USP47: variants seen among roughly 807,000 people sequenced by gnomAD.
The protein encoded by USP47 is ubiquitin specific peptidase 47, also known as ubiquitin carboxyl-terminal hydrolase 47.
In USP47, 35 loss-of-function variants were observed where a neutral mutation model predicts 165.1. The ratio of observed to expected loss-of-function variants is 0.21; its 90% CI spans 0.16 to 0.28. USP47 has a LOEUF of 0.28. Among genes scored for constraint, USP47 ranks in the 10% least tolerant of loss-of-function variants. The probability of loss-of-function intolerance (pLI) is 1.00; values close to 1 mark genes in which losing one functional copy is unlikely to be tolerated. For synonymous variants in USP47, 531 were observed against 544.5 expected, an observed-to-expected ratio of 0.98 and a Z score of 0.35; for missense variants, 1,277 against 1,607.4, an observed-to-expected ratio of 0.79 and a Z score of 3.52.
chr11:11,954,809 T>C, intron 25 of USP47, 88 bp from the exon 26 acceptor site: 2 of 1,429,772 alleles, frequency 1.4e-6, no homozygotes, highest in Non-Finnish European at 9.6e-7. Flanking sequence ...TAAACTGAGC[T>C]ATTTCTGTTT....
In USP47 at chr11:11,958,722, A is replaced by AG. The variant is rs1847324665; in HGVS notation, c.*2551dup. Reference sequence around the variant, plus strand: ...GTTTCTAAGGCGGGCACTCAAGGTGAGGGGTGCATTCTGGCCAAAGAAACA... The same window carrying AG: ...GTTTCTAAGGCGGGCACTCAAGGTGAGGGGGTGCATTCTGGCCAAAGAAACA... On this transcript the variant is annotated 3_prime_UTR_variant, in exon 28 of 28. Coordinates refer to ENST00000527733, the MANE Select transcript of USP47 (RefSeq NM_001282659.2). The AG allele has an allele frequency of 6.6e-6, 1 of 152,260 alleles. No homozygotes were observed. Among genetic ancestry groups the AG allele is most frequent in the African/African-American group, 2.4e-5 (1 of 41,444 alleles). 9.4% of individuals were successfully genotyped at this position (152,260 alleles called of 1,614,324 possible).
At position 11,888,440 on chromosome 11, in the gene USP47, C is replaced by T. The variant is rs11529114; in HGVS notation, c.358-3528C>T. 1.2e-4 allele frequency among the ~76,000 whole-genome samples: 18 copies of T among 152,082 alleles called. No individual in the cohort carries two copies. The East Asian group carries it at 3.1e-3, about 26-fold the overall frequency. ...AGAGAATACTATAAACATCTCTGTG[C>T]ACATAAAATAGAAAATATGGATAAA... On this transcript the variant is annotated intron_variant, in intron 3 of 27. Coordinates refer to ENST00000527733, the MANE Select transcript of USP47 (RefSeq NM_001282659.2).
chr11:11,924,822 T>C (rs913301088), intron 11 of USP47, among the ~76,000 whole-genome samples: 2 of 152,150 alleles, frequency 1.3e-5, no homozygotes, highest in African/African-American at 4.8e-5. Context: ...TTCTTTCATT[T>C]CGGATACTGG....
At chr11:11,954,252 G>C (rs1338599622) in intron 25 of USP47, among the ~76,000 whole-genome samples, 1 of 151,882 alleles carries the variant, frequency 6.6e-6, no homozygotes, top group Non-Finnish European at 1.5e-5. Flanking sequence ...TCTGTCTCAA[G>C]AAAAAAGAAT....
chr11:11,906,825 A>G lies in USP47; in HGVS notation c.969+1277A>G, dbSNP rs149075126. ...AAATGACATACTGAAAAAATCATTG[A>G]AAAACTAACATTTGTCTTTCAATGA... On this transcript the variant is annotated intron_variant, in intron 8 of 27. Transcript: ENST00000527733. 5.4e-4 allele frequency among the ~76,000 whole-genome samples: 82 copies of G among 152,306 alleles called. 2 individuals carry two copies. In the East Asian group the frequency reaches 0.013, roughly 24 times the overall value.
chr11:11,924,260 G>C (rs942318091), intron 11 of USP47, among the ~76,000 whole-genome samples: 1 of 152,026 alleles, frequency 6.6e-6, no homozygotes, highest in Non-Finnish European at 1.5e-5. Flanking sequence ...TCTTCAGCCT[G>C]AATTACATAG....
intron 1 of USP47, among the ~76,000 whole-genome samples, chr11:11,844,873 A>T (rs55901552): frequency 0.13 from 19,393 of 152,072 alleles, 1,568 homozygotes; most frequent in Middle Eastern, 0.38. Flanking sequence ...CTCAAGGACA[A>T]ATGTACCTTT....
intron 10 of USP47, 123 bp downstream of exon 10, chr11:11,920,617 T>A: frequency 1.2e-6 from 1 of 852,360 alleles, no homozygotes. Flanking sequence ...GGAAACTTTT[T>A]CTTTCTTATT....
At chr11:11,909,785 C>T (rs1168669323) in intron 8 of USP47, among the ~76,000 whole-genome samples, 1 of 152,154 alleles carries the variant, frequency 6.6e-6, no homozygotes, top group Non-Finnish European at 1.5e-5. Flanking sequence ...ATATAAAAGA[C>T]TTGTTTCCTA....
intron 1 of USP47, among the ~76,000 whole-genome samples, chr11:11,866,674 A>G (rs1849700892): frequency 6.6e-6 from 1 of 152,112 alleles, no homozygotes; most frequent in African/African-American, 2.4e-5. Flanking sequence ...CTTTAATGAT[A>G]ATCTATTGGT....
chr11:11,864,641 C>T lies in USP47; in HGVS notation c.40-15536C>T, dbSNP rs1010998976. On this transcript the variant is annotated intron_variant, in intron 1 of 27. Transcript: ENST00000527733. ...ATTTGTCTTTGTGACTGGCTTATTT[C>T]ACTTAGCATAATGTCCTCAAGGTTT... Among the ~76,000 whole-genome samples the T allele has an allele frequency of 6.6e-5, 10 of 152,114 alleles. No individual in the cohort carries two copies. The East Asian group carries it at 1.2e-3, about 18-fold the overall frequency.
At chr11:11,918,028 G>A (rs1025560380) in intron 8 of USP47, among the ~76,000 whole-genome samples, 5 of 152,066 alleles carry the variant, frequency 3.3e-5, no homozygotes, top group South Asian at 2.1e-4. Flanking sequence ...CTTATTAGCC[G>A]CGAGAGTAAA....
At chr11:11,903,498 C>G (rs577516633) in intron 7 of USP47, among the ~76,000 whole-genome samples, 156 bp downstream of exon 7, 1 of 152,076 alleles carries the variant, frequency 6.6e-6, no homozygotes, top group Non-Finnish European at 1.5e-5. Flanking sequence ...TCTCATTTAG[C>G]CATTAACTGA....
rs998259096 is a variant in USP47, at chr11:11,957,344, G to A, written c.*1169G>A. ...CATGATTTCATTGCAGAGTTTATTA[G>A]TATCAGCAAGTTTTTGCTTTGCTAA... On this transcript the variant is annotated 3_prime_UTR_variant, in exon 28 of 28. Transcript: ENST00000527733. 106 of 152,566 alleles carry A rather than the reference G, an allele frequency of 6.9e-4. 7 individuals are homozygous for A. Among genetic ancestry groups the A allele is most frequent in the Non-Finnish European group, 1.5e-5 (1 of 68,024 alleles). The allele number at this position is 152,566 out of a possible 1,614,324, so 9.5% of individuals were successfully genotyped here.
intron 1 of USP47, among the ~76,000 whole-genome samples, chr11:11,847,345 A>G (rs1313928495): frequency 6.7e-6 from 1 of 150,208 alleles, no homozygotes; most frequent in Non-Finnish European, 1.5e-5. Context: ...ATTTGTCTTG[A>G]GTAATCGGAT....
intron 17 of USP47, among the ~76,000 whole-genome samples, chr11:11,937,573 C>CTTT (rs554663366): frequency 1.5e-5 from 2 of 133,736 alleles, no homozygotes; most frequent in Admixed American, 7.5e-5. Flanking sequence ...CATTTCCTTG[C>CTTT]TTTTTTTTTT....
At chr11:11,887,732 G>C (rs893253325) in intron 3 of USP47, among the ~76,000 whole-genome samples, 13 of 152,112 alleles carry the variant, frequency 8.5e-5, no homozygotes, top group African/African-American at 3.1e-4. Flanking sequence ...GGACCTGATA[G>C]ATATCTACAG....
chr11:11,907,515 A>G (rs1160879623), intron 8 of USP47, among the ~76,000 whole-genome samples: 1 of 152,248 alleles, frequency 6.6e-6, no homozygotes, highest in Non-Finnish European at 1.5e-5. Context: ...ATTTAAATCT[A>G]TAACCTAACT....
At position 11,841,993 on chromosome 11, in the gene USP47, G is replaced by T. The variant is rs1390211633; in HGVS notation, c.-193G>T. 7 of 418,000 alleles carry T rather than the reference G, an allele frequency of 1.7e-5. No individual in the cohort carries two copies. The highest frequency in any genetic ancestry group is 4.2e-5 in the African/African-American group (2 of 47,430). 25.9% of individuals were successfully genotyped at this position (418,000 alleles called of 1,614,324 possible). ...CGACGACGAAGGCGGCTGTGGTAGC[G>T]GCGGCGGCGGCGGCGGAGCCCTGGG... On this transcript the variant is annotated 5_prime_UTR_variant, in exon 1 of 28. Coordinates refer to ENST00000527733, the MANE Select transcript of USP47 (RefSeq NM_001282659.2).
Sources: gnomAD v4.1 joint callset for allele counts (sites outside exome capture counted in the v4.1 genomes callset) on GRCh38, gnomAD v4.1.1 for gene constraint, MANE v1.5 for transcripts, NCBI Gene and HGNC (gene_info 2026-07-23, HGNC 2026-07-21) for gene names.